Variants in RRAGD observed in about 807,000 individuals in gnomAD.
RRAGD encodes Ras related GTP binding D, also known as ras-related GTP-binding protein D.
In RRAGD, 12 loss-of-function variants were observed where a neutral mutation model predicts 35.5. That is an observed-to-expected ratio of 0.34 (90% confidence interval 0.22 to 0.55). RRAGD has a LOEUF of 0.55. Among genes scored for constraint, RRAGD ranks in the 20% least tolerant of loss-of-function variants. The probability of loss-of-function intolerance (pLI) is 0.91; values close to 1 mark genes in which losing one functional copy is unlikely to be tolerated. For missense variants in RRAGD, 324 were observed against 490.1 expected (o/e 0.66, Z 3.20); for synonymous variants, 155 against 178.9 (o/e 0.87, Z 1.07).
chr6:89,364,952 A>T lies in RRAGD; in HGVS notation c.*3104T>A, dbSNP rs888234235. 1 of 152,238 alleles carries T rather than the reference A, an allele frequency of 6.6e-6. No individual in the cohort carries two copies. Among genetic ancestry groups the T allele is most frequent in the Non-Finnish European group, 1.5e-5 (1 of 68,032 alleles). 9.4% of individuals were successfully genotyped at this position (152,238 alleles called of 1,614,324 possible). On this transcript the variant is annotated 3_prime_UTR_variant, in exon 7 of 7. Transcript: ENST00000369415. ...ATGGTTATTAAGTGATGTACTGCTTAAAGTAAAACATGGACTATACCTGAT... is the reference window on the plus strand; with the variant it reads ...ATGGTTATTAAGTGATGTACTGCTTTAAGTAAAACATGGACTATACCTGAT...
intron 1 of RRAGD, among the ~76,000 whole-genome samples, chr6:89,399,042 GC>G (rs1769397107): frequency 1.3e-5 from 2 of 152,304 alleles, no homozygotes; most frequent in African/African-American, 4.8e-5. Context: ...ATGTACAAGT[GC>G]AAAAATATTC....
intron 3 of RRAGD, 61 bp from the exon 4 acceptor site, chr6:89,379,399 G>T (rs1769005021): frequency 2.4e-6 from 2 of 840,952 alleles, no homozygotes; most frequent in Non-Finnish European, 3.9e-6. Flanking sequence ...GGCTGCTTAG[G>T]CTATGTCAAA....
intron 6 of RRAGD, among the ~76,000 whole-genome samples, chr6:89,370,010 A>T (rs555075488): frequency 3.1e-4 from 47 of 152,182 alleles, no homozygotes; most frequent in Non-Finnish European, 6.5e-4. Context: ...CACCAGGCAC[A>T]CCAGGAGGCC....
In RRAGD at chr6:89,412,244, C is replaced by T. The variant is rs1314657270; in HGVS notation, c.-251G>A. On this transcript the variant is annotated 5_prime_UTR_variant, in exon 1 of 7. Coordinates refer to ENST00000369415, the MANE Select transcript of RRAGD (RefSeq NM_021244.5). This position sits in a 1 kb window ranked among gnomAD's most constrained non-coding sequence, Gnocchi z 4.2. The stretch of plus-strand genomic sequence containing the variant: ...AGGAGTCAGCCGGAGCGCGGCAGTT[C>T]CTCCCGGAGGAGGGAGAGAGAGAGA... 3 of 250,534 alleles carry T rather than the reference C, an allele frequency of 1.2e-5. No homozygotes were observed. Among genetic ancestry groups the T allele is most frequent in the Non-Finnish European group, 2.1e-5 (3 of 140,082 alleles). The allele number at this position is 250,534 out of a possible 1,614,324, so 15.5% of individuals were successfully genotyped here.
chr6:89,379,150 T>C, intron 4 of RRAGD, 74 bp downstream of exon 4: 1 of 727,680 alleles, frequency 1.4e-6, no homozygotes, highest in East Asian at 2.8e-5. Flanking sequence ...CAATCGGAAA[T>C]AAGATCTTTT....
chr6:89,401,661 A>G (rs1403744466), intron 1 of RRAGD, among the ~76,000 whole-genome samples: 1 of 151,826 alleles, frequency 6.6e-6, no homozygotes, highest in African/African-American at 2.4e-5. Context: ...CTGGCCTTCC[A>G]GAAGGTTCCT....
At chr6:89,370,667 G>T (rs975481980) in intron 6 of RRAGD, among the ~76,000 whole-genome samples, 1 of 151,976 alleles carries the variant, frequency 6.6e-6, no homozygotes, top group Non-Finnish European at 1.5e-5. Context: ...TTAAAATCTA[G>T]AAACAACATA....
rs115781539 is a variant in RRAGD, at chr6:89,374,749, T to C, written c.903-2164A>G. 8.2e-3 allele frequency among the ~76,000 whole-genome samples: 1,228 copies of C among 150,502 alleles called. 15 individuals are homozygous for C. Among genetic ancestry groups the C allele is most frequent in the African/African-American group, 0.028 (1,154 of 40,986 alleles). ...CCATCTCAAAAAAAAAAAAAGTAAA[T>C]TGTGGAAGTTCGTATTTTTTGTTTT... On this transcript the variant is annotated intron_variant, in intron 5 of 6. Coordinates refer to ENST00000369415, the MANE Select transcript of RRAGD (RefSeq NM_021244.5).
chr6:89,404,327 T>C (rs1201794512), intron 1 of RRAGD, among the ~76,000 whole-genome samples: 2 of 152,308 alleles, frequency 1.3e-5, no homozygotes, highest in Admixed American at 6.5e-5. Flanking sequence ...GATGATTACA[T>C]GAAAGTGACT....
chr6:89,398,735 G>A (rs1769389512), intron 1 of RRAGD, among the ~76,000 whole-genome samples: 1 of 152,194 alleles, frequency 6.6e-6, no homozygotes, highest in Admixed American at 6.5e-5. Context: ...GCTCCTTCAA[G>A]AATAGATATT....
chr6:89,400,001 T>C (rs1247076948), intron 1 of RRAGD, among the ~76,000 whole-genome samples: 1 of 152,136 alleles, frequency 6.6e-6, no homozygotes, highest in African/African-American at 2.4e-5. Flanking sequence ...CCCAAGGTCA[T>C]ATGACTGGTA....
intron 1 of RRAGD, among the ~76,000 whole-genome samples, chr6:89,407,836 A>T (rs1263562057): frequency 6.6e-6 from 1 of 151,942 alleles, no homozygotes; most frequent in African/African-American, 2.4e-5. Flanking sequence ...CTTATCCAGA[A>T]CTTGCTGTTT....
intron 1 of RRAGD, among the ~76,000 whole-genome samples, chr6:89,397,358 C>A (rs1232920679): frequency 2.0e-5 from 3 of 152,204 alleles, no homozygotes; most frequent in African/African-American, 7.2e-5. Context: ...ACCTGTCATA[C>A]TATCCCTTCC....
At chr6:89,404,025 C>T (rs1290740730) in intron 1 of RRAGD, among the ~76,000 whole-genome samples, 1 of 152,060 alleles carries the variant, frequency 6.6e-6, no homozygotes, top group African/African-American at 2.4e-5. Context: ...CCATTTTTCC[C>T]ATATGGGTTA....
At chr6:89,372,689 A>G in intron 5 of RRAGD, 104 bp from the exon 6 acceptor site, 1 of 1,231,362 alleles carries the variant, frequency 8.1e-7, no homozygotes, top group Admixed American at 2.5e-5. Context: ...TGATAATCAT[A>G]AGTTGTTTAC....
intron 1 of RRAGD, among the ~76,000 whole-genome samples, chr6:89,408,106 T>C (rs1418503937): frequency 6.6e-6 from 1 of 152,178 alleles, no homozygotes; most frequent in African/African-American, 2.4e-5. Context: ...CAGAAGGAAA[T>C]CTAAGAGATA....
chr6:89,380,800 G>C (rs997846288), intron 2 of RRAGD, among the ~76,000 whole-genome samples: 4 of 151,966 alleles, frequency 2.6e-5, no homozygotes, highest in African/African-American at 9.7e-5. Context: ...CCAGCTACTC[G>C]GGAGGCTGAG....
intron 1 of RRAGD, among the ~76,000 whole-genome samples, chr6:89,391,954 C>A: frequency 1.8e-5 from 1 of 54,160 alleles, no homozygotes; most frequent in South Asian, 5.0e-4. Flanking sequence ...GAGACCCTAT[C>A]TCAAAAAAAA....
intron 4 of RRAGD, among the ~76,000 whole-genome samples, chr6:89,378,662 C>A (rs1195271902): frequency 1.3e-5 from 2 of 152,238 alleles, no homozygotes; most frequent in Non-Finnish European, 2.9e-5. Context: ...TTTATGTTCC[C>A]TACCTCTGGT....
Sources: allele counts gnomAD v4.1 joint callset (sites outside exome capture counted in the v4.1 genomes callset), GRCh38; gene constraint gnomAD v4.1.1; non-coding constraint Gnocchi (gnomAD v3.1); transcripts MANE v1.5; gene names NCBI Gene and HGNC (gene_info 2026-07-23, HGNC 2026-07-21).